FOXP2: variants seen among roughly 807,000 people sequenced by gnomAD.
FOXP2 encodes the protein forkhead box protein P2.
FOXP2 carries 12 observed loss-of-function variants against 115.8 expected under a neutral mutation model. The observed-to-expected ratio is 0.10, with a 90% confidence interval of 0.07 to 0.17. FOXP2 has a LOEUF of 0.17. FOXP2 is among the 10% of genes least tolerant of loss of function. FOXP2 has a pLI of 1.00. For synonymous variants in FOXP2, 328 were observed against 297.7 expected (o/e 1.10, Z -1.05); for missense variants, 629 against 843.5 (o/e 0.75, Z 3.15).
intron 2 of FOXP2, among the ~76,000 whole-genome samples, chr7:114,394,956 C>A (rs950870596): frequency 6.6e-6 from 1 of 151,978 alleles, no homozygotes; most frequent in Admixed American, 6.6e-5. Flanking sequence ...AATAATGTAT[C>A]ATTTTCAGTT....
intron 2 of FOXP2, among the ~76,000 whole-genome samples, chr7:114,478,136 G>A (rs889007391): frequency 2.6e-5 from 4 of 151,810 alleles, no homozygotes; most frequent in South Asian, 2.1e-4. Flanking sequence ...AATAGATAAA[G>A]TTATTAAGAA....
intron 2 of FOXP2, among the ~76,000 whole-genome samples, chr7:114,514,009 G>A (rs1798201593): frequency 6.6e-6 from 1 of 151,430 alleles, no homozygotes. Flanking sequence ...TTTTTAAATT[G>A]ATAAGTTAAC....
intron 1 of FOXP2, among the ~76,000 whole-genome samples, chr7:114,423,908 C>G (rs1157963789): frequency 6.6e-6 from 1 of 151,382 alleles, no homozygotes; most frequent in African/African-American, 2.4e-5. Flanking sequence ...TACACAATCA[C>G]CCTTCTTTTT....
chr7:114,263,511 T>A (rs1247280209), intron 1 of FOXP2, among the ~76,000 whole-genome samples: 1 of 151,392 alleles, frequency 6.6e-6, no homozygotes, highest in East Asian at 2.0e-4. Flanking sequence ...TGGTGTTTAG[T>A]GCTGTGATCA....
At chr7:114,546,952 C>A (rs1010277196) in intron 3 of FOXP2, among the ~76,000 whole-genome samples, 32 of 152,158 alleles carry the variant, frequency 2.1e-4, no homozygotes, top group Non-Finnish European at 2.9e-5. Context: ...TGTATTGCTC[C>A]TTCTCCGTCC....
At chr7:114,175,295 G>A (rs922755562) in intron 1 of FOXP2, among the ~76,000 whole-genome samples, 2 of 151,976 alleles carry the variant, frequency 1.3e-5, no homozygotes, top group African/African-American at 2.4e-5. Context: ...CTGGGACCAG[G>A]GACTAAGTAT....
At chr7:114,689,040 C>T (rs1310568299) in intron 16 of FOXP2, among the ~76,000 whole-genome samples, 1 of 152,064 alleles carries the variant, frequency 6.6e-6, no homozygotes, top group Non-Finnish European at 1.5e-5. Flanking sequence ...ACCTTCATAG[C>T]TTTTCTCAGA....
intron 16 of FOXP2, chr7:114,669,522 T>A (rs989033499): frequency 3.3e-5 from 5 of 152,058 alleles, no homozygotes; most frequent in Admixed American, 2.6e-4. Flanking sequence ...TGCACCTGAA[T>A]GCCAATATTC....
chr7:114,572,205 C>A (rs1411531522), intron 3 of FOXP2, among the ~76,000 whole-genome samples: 1 of 150,774 alleles, frequency 6.6e-6, no homozygotes, highest in Non-Finnish European at 1.5e-5. Context: ...AAAGTGGAAG[C>A]AGCAATAACA....
chr7:114,639,079 A>G (rs1805384438), intron 6 of FOXP2, among the ~76,000 whole-genome samples: 1 of 152,190 alleles, frequency 6.6e-6, no homozygotes, highest in Non-Finnish European at 1.5e-5. Flanking sequence ...ACATAACTAA[A>G]TTATTAATAA....
intron 1 of FOXP2, among the ~76,000 whole-genome samples, chr7:114,279,303 C>T (rs1796270512): frequency 1.3e-5 from 2 of 152,094 alleles, no homozygotes; most frequent in Admixed American, 6.6e-5. Context: ...CTACAGACTT[C>T]ACAAAGAAAG....
intron 2 of FOXP2, among the ~76,000 whole-genome samples, chr7:114,435,838 T>C (rs1220799574): frequency 1.3e-5 from 2 of 152,154 alleles, no homozygotes; most frequent in African/African-American, 2.4e-5. Flanking sequence ...TGTGCCCGGC[T>C]GTCAGAAGTT....
chr7:114,653,885 G>A (rs1168046835), intron 9 of FOXP2, 41 bp from the exon 10 acceptor site: 2 of 1,580,216 alleles, frequency 1.3e-6, no homozygotes, highest in Non-Finnish European at 1.7e-6. Flanking sequence ...AGCTGTATCA[G>A]TCATTTCTAA....
rs1236383982 is a variant in FOXP2 at position 114,631,780 on chromosome 7, A to G, written c.775+75A>G. The G allele has an allele frequency of 3.3e-6, 5 of 1,503,280 alleles. No homozygotes were observed. In the Middle Eastern group the frequency reaches 5.1e-4, roughly 154 times the overall value. The allele number at this position is 1,503,280 out of a possible 1,614,324, so 93.1% of individuals were successfully genotyped here. ...CCATTTCATGGCCTTTCTGCCTTAT[A>G]CCTTGAGAAATTTTGTTTTTATGAC... On this transcript the variant is annotated intron_variant, in intron 6 of 16. Transcript: ENST00000350908.
intron 2 of FOXP2, among the ~76,000 whole-genome samples, chr7:114,506,768 C>G (rs1797836714): frequency 6.6e-6 from 1 of 151,608 alleles, no homozygotes; most frequent in Non-Finnish European, 1.5e-5. Context: ...TCACAAGGCT[C>G]CAGAACTGGC....
At chr7:114,448,074 G>A (rs1275346711) in intron 2 of FOXP2, among the ~76,000 whole-genome samples, 2 of 152,042 alleles carry the variant, frequency 1.3e-5, no homozygotes, top group African/African-American at 2.4e-5. Flanking sequence ...TCATTGCAAC[G>A]TCCATATAGT....
chr7:114,152,607 C>T (rs539356044), intron 1 of FOXP2, among the ~76,000 whole-genome samples: 5 of 152,260 alleles, frequency 3.3e-5, no homozygotes, highest in South Asian at 2.1e-4. Context: ...TCTGGAACAT[C>T]GCCTACATGA....
At chr7:114,496,053 T>C (rs558031240) in intron 2 of FOXP2, among the ~76,000 whole-genome samples, 2 of 152,316 alleles carry the variant, frequency 1.3e-5, no homozygotes, top group African/African-American at 4.8e-5. Flanking sequence ...TTAGATTAAA[T>C]ATATGTCAAT....
At chr7:114,564,853 C>T (rs1002754689) in intron 3 of FOXP2, among the ~76,000 whole-genome samples, 1 of 149,012 alleles carries the variant, frequency 6.7e-6, no homozygotes, top group South Asian at 2.1e-4. Flanking sequence ...TGCACTCCAG[C>T]CTTGGCAACA....
Sources: allele counts gnomAD v4.1 joint callset (sites outside exome capture counted in the v4.1 genomes callset), GRCh38; gene constraint gnomAD v4.1.1; transcripts MANE v1.5; gene names NCBI Gene and HGNC (gene_info 2026-07-23, HGNC 2026-07-21).